The following BCAP29 variants were observed in gnomAD, a reference collection of about 807,000 sequenced individuals.
BCAP29 encodes B cell receptor associated protein 29.
In BCAP29, 34 loss-of-function variants were observed where a neutral mutation model predicts 31.8. The observed-to-expected ratio is 1.07, with a 90% CI of 0.81 to 1.42. The LOEUF (loss-of-function observed/expected upper bound fraction) is 1.42. Among genes scored for constraint, BCAP29 ranks in the 40% most tolerant of loss-of-function variants. BCAP29 has a pLI of 0.00. For missense variants in BCAP29, 314 were observed against 269.2 expected (o/e 1.17, Z -1.16); for synonymous variants, 104 against 91.3 (o/e 1.14, Z -0.79).
intron 6 of BCAP29, among the ~76,000 whole-genome samples, chr7:107,601,896 G>C (rs1222121893): frequency 6.6e-6 from 1 of 152,124 alleles, no homozygotes; most frequent in Non-Finnish European, 1.5e-5. Context: ...AAGAGTGTAT[G>C]TGTGCTACAC....
At position 107,595,861 on chromosome 7, in the gene BCAP29, T is replaced by C. The variant is rs915444684; in HGVS notation, c.345-6T>C. 8.8e-6 allele frequency: 14 copies of C among 1,592,812 alleles called. No individual in the cohort carries two copies. The highest frequency in any genetic ancestry group is 1.1e-5 in the Non-Finnish European group (13 of 1,174,702). On this transcript the variant is annotated splice_polypyrimidine_tract_variant and splice_region_variant and intron_variant, in intron 4 of 7. Transcript: ENST00000005259. ...AGTAATACATTATTCTGGTTTTTTT[T>C]CTTAGAGTTTTGAGACGTCTGGTTA... is the stretch of plus-strand genomic sequence containing the variant.
downstream of BCAP29, chr7:107,621,679 C>T (rs753338657): frequency 2.1e-6 from 1 of 471,650 alleles, no homozygotes; most frequent in South Asian, 1.6e-5. Flanking sequence ...ACAGTGACCA[C>T]AGAGGCAGAG....
At chr7:107,585,945 C>T (rs924883552) in intron 3 of BCAP29, among the ~76,000 whole-genome samples, 4 of 151,962 alleles carry the variant, frequency 2.6e-5, no homozygotes, top group Non-Finnish European at 5.9e-5. Flanking sequence ...GAGCCGAGAT[C>T]GCGCCATTGC....
At position 107,595,906 on chromosome 7, in the gene BCAP29, A is replaced by T; in HGVS notation, c.384A>T (p.Ala128=). ...TGGTTACGCTTATTACTCAACTGGC[A>T]AAAGAACTGTCAAACAAAGGTGTAC... ...RRLVTLITQL[A]KELSNKGVLK... is the part of the protein sequence containing the mutation. Residue 128 remains alanine, a synonymous_variant, in exon 5 of 8, where the codon GCA becomes GCT. Coordinates refer to ENST00000005259, the MANE Select transcript of BCAP29 (RefSeq NM_018844.4). 6.2e-7 allele frequency: 1 copy of T among 1,603,208 alleles called. No individual in the cohort carries two copies. Among genetic ancestry groups the T allele is most frequent in the Non-Finnish European group, 8.5e-7 (1 of 1,176,838 alleles).
intron 4 of BCAP29, among the ~76,000 whole-genome samples, chr7:107,594,512 T>TGTTTGTTTGTTA (rs1363756391): frequency 3.3e-5 from 5 of 150,288 alleles, no homozygotes; most frequent in Non-Finnish European, 7.4e-5. Flanking sequence ...TTTGTTTGTT[T>TGTTTGTTTGTTA]GTTTTTTAAG....
intron 3 of BCAP29, 40 bp from the exon 4 acceptor site, chr7:107,593,915 G>A (rs183173553): frequency 1.1e-4 from 171 of 1,541,356 alleles, no homozygotes; most frequent in African/African-American, 7.8e-4. Flanking sequence ...GCTTATATTC[G>A]TAAAAGCCAA....
chr7:107,607,787 A>G (rs569714096), intron 6 of BCAP29, among the ~76,000 whole-genome samples: 3 of 151,806 alleles, frequency 2.0e-5, no homozygotes, highest in East Asian at 1.9e-4. Flanking sequence ...TTACAGGCAC[A>G]CACCACCATG....
rs1814594125 is a variant in BCAP29, at chr7:107,618,518, T to C, written c.*155T>C. ...GTATTGTAATGGCATTATCAAAATA[T>C]TTGATGATGTTTCAGATATATTGCA... is the stretch of plus-strand genomic sequence containing the variant. On this transcript the variant is annotated 3_prime_UTR_variant, in exon 8 of 8. Transcript: ENST00000005259. The C allele has an allele frequency of 1.2e-6, 2 of 1,609,516 alleles. No individual in the cohort carries two copies. The highest frequency in any genetic ancestry group is 1.7e-6 in the Non-Finnish European group (2 of 1,176,204).
chr7:107,584,000 T>A lies in BCAP29; in HGVS notation c.193+18T>A. The A allele has an allele frequency of 7.5e-7, 1 of 1,325,460 alleles. No individual in the cohort carries two copies. Among genetic ancestry groups the A allele is most frequent in the Non-Finnish European group, 1.0e-6 (1 of 960,634 alleles). 82.1% of individuals were successfully genotyped at this position (1,325,460 alleles called of 1,614,324 possible). ...ATTTCTAGGTAAGTACTAGATCCCT[T>A]CTTTGAATAAATATAACTTTTTTTA... On this transcript the variant is annotated intron_variant, in intron 3 of 7. Transcript: ENST00000005259.
downstream of BCAP29, chr7:107,622,019 A>G (rs1815019249): frequency 2.2e-6 from 1 of 456,480 alleles, no homozygotes; most frequent in Admixed American, 2.4e-5. Flanking sequence ...AGCCATTTGG[A>G]TAAGTCAAAG....
intron 6 of BCAP29, among the ~76,000 whole-genome samples, chr7:107,607,181 G>A (rs2129275740): frequency 6.6e-6 from 1 of 152,322 alleles, no homozygotes; most frequent in South Asian, 2.1e-4. Flanking sequence ...CCGGATGGTA[G>A]TGGCACGTGC....
intron 6 of BCAP29, among the ~76,000 whole-genome samples, chr7:107,604,691 T>TG (rs1563137428): frequency 2.7e-5 from 4 of 150,908 alleles, no homozygotes; most frequent in African/African-American, 7.3e-5. Flanking sequence ...TGTTGTTTTT[T>TG]TTTTTTTGCT....
chr7:107,602,742 T>G (rs151011432), intron 6 of BCAP29, among the ~76,000 whole-genome samples: 12 of 152,246 alleles, frequency 7.9e-5, no homozygotes, highest in African/African-American at 2.4e-4. Context: ...AGGCAGCTAC[T>G]GAGAACACTC....
intron 6 of BCAP29, 50 bp from the exon 7 acceptor site, chr7:107,613,282 A>T (rs1357249983): frequency 1.4e-6 from 2 of 1,408,610 alleles, no homozygotes; most frequent in Non-Finnish European, 2.0e-6. Flanking sequence ...ACTTTTCTAT[A>T]AATTTGAAAT....
At chr7:107,601,291 T>A (rs1484294401) in intron 6 of BCAP29, among the ~76,000 whole-genome samples, 1 of 152,176 alleles carries the variant, frequency 6.6e-6, no homozygotes, top group African/African-American at 2.4e-5. Context: ...CTGAGAAACC[T>A]CACTTTCAGT....
In BCAP29 at chr7:107,583,934, A is replaced by T; in HGVS notation, c.145A>T (p.Asn49Tyr). 6.3e-7 allele frequency: 1 copy of T among 1,589,374 alleles called. No individual in the cohort carries two copies. The highest frequency in any genetic ancestry group is 8.6e-7 in the Non-Finnish European group (1 of 1,167,156). The stretch of plus-strand genomic sequence containing the variant: ...CTGGGGTAAAATTGCAACTTTTTGG[A>T]ACAAGGCTTTCCTTACCATTATCAT... The part of the protein sequence containing the change: ...NVWGKIATFW[N>Y]KAFLTIIILL... The change falls in exon 3 of 8, where the codon AAC becomes TAC. Residue 49 changes from asparagine (N) to tyrosine (Y), a missense_variant. Physicochemically the swap from Asn to Tyr is moderately radical, Grantham distance 143. Transcript: ENST00000005259.
intron 6 of BCAP29, among the ~76,000 whole-genome samples, chr7:107,601,098 A>G (rs1176999150): frequency 6.6e-6 from 1 of 152,230 alleles, no homozygotes; most frequent in African/African-American, 2.4e-5. Flanking sequence ...TACATTAAAA[A>G]AAAAAGTTTT....
chr7:107,583,665 CAG>C (rs1214933154), intron 2 of BCAP29, among the ~76,000 whole-genome samples: 1 of 151,982 alleles, frequency 6.6e-6, no homozygotes, highest in Non-Finnish European at 1.5e-5. Context: ...AGCCACCAGA[CAG>C]AGGATAATCA....
intron 4 of BCAP29, 61 bp downstream of exon 4, chr7:107,594,166 A>G: frequency 6.8e-7 from 1 of 1,461,054 alleles, no homozygotes; most frequent in Non-Finnish European, 9.4e-7. Context: ...TTCCTTTCTC[A>G]TTTTGTCCAC....
Sources: gnomAD v4.1 joint callset for allele counts (sites outside exome capture counted in the v4.1 genomes callset) on GRCh38, gnomAD v4.1.1 for gene constraint, MANE v1.5 for transcripts, NCBI Gene and HGNC (gene_info 2026-07-23, HGNC 2026-07-21) for gene names.